The following SATB2 variants were observed in gnomAD, a reference collection of about 807,000 sequenced individuals.
The protein encoded by SATB2 is DNA-binding protein SATB2.
In SATB2, 1 loss-of-function variant was observed where a neutral mutation model predicts 73.4. The observed-to-expected ratio is 0.01, with a 90% CI of 0.00 to 0.06. SATB2 has a LOEUF of 0.06. Among genes scored for constraint, SATB2 ranks in the 10% least tolerant of loss-of-function variants. The pLI is 1.00. For missense variants in SATB2, 459 were observed against 945.8 expected (o/e 0.49, Z 6.75); for synonymous variants, 397 against 367.0 (o/e 1.08, Z -0.93).
At chr2:199,358,681 T>G (rs2105837599) in intron 6 of SATB2, among the ~76,000 whole-genome samples, 1 of 152,162 alleles carries the variant, frequency 6.6e-6, no homozygotes, top group South Asian at 2.1e-4. Flanking sequence ...ATATGACTGG[T>G]TTTCTTAGGT....
chr2:199,424,111 C>T (rs1691256898), intron 3 of SATB2, among the ~76,000 whole-genome samples: 1 of 152,106 alleles, frequency 6.6e-6, no homozygotes, highest in African/African-American at 2.4e-5. Context: ...AGAGGAAGAA[C>T]CTTTGTGTTT....
intron 8 of SATB2, among the ~76,000 whole-genome samples, chr2:199,328,489 C>T (rs553439500): frequency 2.6e-5 from 4 of 151,696 alleles, no homozygotes; most frequent in East Asian, 1.9e-4. Context: ...TGCAGTGAGC[C>T]GAGATCATGC....
intron 10 of SATB2, among the ~76,000 whole-genome samples, chr2:199,299,965 G>GT (rs975267137): frequency 1.3e-5 from 2 of 152,006 alleles, no homozygotes; most frequent in Non-Finnish European, 2.9e-5. Flanking sequence ...TATTGTTGTT[G>GT]TTTTTTGTGG....
At chr2:199,380,694 A>C (rs1689744974) in intron 4 of SATB2, among the ~76,000 whole-genome samples, 1 of 152,144 alleles carries the variant, frequency 6.6e-6, no homozygotes. Context: ...TTGTCATCCC[A>C]CTCATCCAAG....
intron 3 of SATB2, among the ~76,000 whole-genome samples, chr2:199,423,084 G>A (rs1281040416): frequency 6.6e-6 from 1 of 152,112 alleles, no homozygotes; most frequent in Non-Finnish European, 1.5e-5. Flanking sequence ...TGGTTAAGCA[G>A]CTTCTTTCCA....
At chr2:199,411,540 A>G (rs1690817298) in intron 3 of SATB2, among the ~76,000 whole-genome samples, 1 of 152,200 alleles carries the variant, frequency 6.6e-6, no homozygotes, top group South Asian at 2.1e-4. Flanking sequence ...ATGAGGGTAG[A>G]TGTTATTTTT....
chr2:199,407,060 C>T (rs1690651103), intron 3 of SATB2, among the ~76,000 whole-genome samples: 1 of 151,996 alleles, frequency 6.6e-6, no homozygotes, highest in Admixed American at 6.6e-5. Flanking sequence ...GCGGCTCACA[C>T]CTGTAATCCC....
At chr2:199,467,234 G>A (rs75806828), upstream of SATB2, among the ~76,000 whole-genome samples, 1 of 152,276 alleles carries the variant, frequency 6.6e-6, no homozygotes, top group Admixed American at 6.5e-5. Flanking sequence ...AAGGAGCCAG[G>A]TGGATAACTT....
At chr2:199,288,882 A>G (rs1574474308) in intron 10 of SATB2, among the ~76,000 whole-genome samples, 1 of 152,332 alleles carries the variant, frequency 6.6e-6, no homozygotes, top group East Asian at 1.9e-4. Context: ...GCCTCAAACC[A>G]TGAGGCAGAG....
chr2:199,371,393 C>A (rs77249087), intron 5 of SATB2, among the ~76,000 whole-genome samples: 2,611 of 152,044 alleles, frequency 0.017, 71 homozygotes, highest in African/African-American at 0.06. Flanking sequence ...AACATGAACC[C>A]AGCATGTGCT....
intron 10 of SATB2, among the ~76,000 whole-genome samples, chr2:199,291,459 AT>A (rs1415132886): frequency 6.6e-6 from 1 of 152,226 alleles, no homozygotes; most frequent in African/African-American, 2.4e-5. Flanking sequence ...ATCAAAAAGC[AT>A]TTTGGCATTA....
chr2:199,456,673 T>G (rs1384272914), intron 1 of SATB2, among the ~76,000 whole-genome samples: 1 of 152,140 alleles, frequency 6.6e-6, no homozygotes, highest in Non-Finnish European at 1.5e-5. Context: ...TCAACCCTAA[T>G]TCCACATTAA....
At chr2:199,466,101 GC>G (rs1187841702), upstream of SATB2, among the ~76,000 whole-genome samples, 2 of 152,164 alleles carry the variant, frequency 1.3e-5, no homozygotes, top group Non-Finnish European at 2.9e-5. Context: ...GCTGAGGGCT[GC>G]CCCTGCCAGG....
intron 2 of SATB2, among the ~76,000 whole-genome samples, chr2:199,451,726 A>C (rs956987616): frequency 2.6e-5 from 4 of 152,148 alleles, no homozygotes; most frequent in African/African-American, 9.6e-5. Flanking sequence ...TCTAAAAGGA[A>C]GTGTTCCACA....
chr2:199,382,847 T>C (rs1205572619), intron 3 of SATB2, among the ~76,000 whole-genome samples: 1 of 152,202 alleles, frequency 6.6e-6, no homozygotes, highest in Non-Finnish European at 1.5e-5. Context: ...AACAGCATTT[T>C]TATTTTTGAC....
intron 1 of SATB2, 126 bp from the exon 2 acceptor site, chr2:199,456,222 T>G: frequency 4.5e-6 from 3 of 672,264 alleles, no homozygotes; most frequent in Non-Finnish European, 2.6e-6. Flanking sequence ...CCTCCCACGC[T>G]GCCCGAGGGG....
upstream of SATB2, chr2:199,458,180 C>A: frequency 1.1e-5 from 2 of 176,076 alleles, no homozygotes; most frequent in Non-Finnish European, 1.0e-5. Flanking sequence ...ACTGGTCCAC[C>A]GCAAGAAAAG....
chr2:199,335,671 A>G (rs1688317268), intron 7 of SATB2, among the ~76,000 whole-genome samples: 1 of 152,204 alleles, frequency 6.6e-6, no homozygotes, highest in African/African-American at 2.4e-5. Flanking sequence ...TTTGCTGAAC[A>G]GCGAACAGCA....
At chr2:199,298,085 G>C (rs1337297961) in intron 10 of SATB2, among the ~76,000 whole-genome samples, 2 of 152,120 alleles carry the variant, frequency 1.3e-5, no homozygotes, top group African/African-American at 4.8e-5. Context: ...CACCATCCTT[G>C]ATTCAATTCT....
Sources: gnomAD v4.1 joint callset for allele counts (sites outside exome capture counted in the v4.1 genomes callset) on GRCh38, gnomAD v4.1.1 for gene constraint, MANE v1.5 for transcripts, NCBI Gene and HGNC (gene_info 2026-07-23, HGNC 2026-07-21) for gene names.